Variants in WNT7A observed in about 807,000 individuals in gnomAD.
The protein encoded by WNT7A is Wnt family member 7A.
In WNT7A, 16 loss-of-function variants were observed where a neutral mutation model predicts 28.2. That is an observed-to-expected ratio of 0.57 (90% CI 0.38 to 0.86). The LOEUF is 0.86. Among genes scored for constraint, WNT7A ranks in the 40% least tolerant of loss-of-function variants. WNT7A has a pLI of 0.00. For synonymous variants in WNT7A, 190 were observed against 195.9 expected, an observed-to-expected ratio of 0.97 and a Z score of 0.25; for missense variants, 411 against 489.7, an observed-to-expected ratio of 0.84 and a Z score of 1.52.
chr3:13,849,362 A>T (rs4638942), intron 3 of WNT7A, among the ~76,000 whole-genome samples: 21,740 of 152,154 alleles, frequency 0.14, 2,311 homozygotes, highest in African/African-American at 0.3. Context: ...ATTTTTTAGT[A>T]TGTCTTGTGC....
intron 2 of WNT7A, among the ~76,000 whole-genome samples, chr3:13,862,348 G>C (rs1417721453): frequency 6.6e-6 from 1 of 152,222 alleles, no homozygotes; most frequent in South Asian, 2.1e-4. Flanking sequence ...CCACCGCCCT[G>C]TGTAGCCACT....
At chr3:13,847,881 A>G (rs1252715509) in intron 3 of WNT7A, among the ~76,000 whole-genome samples, 2 of 152,194 alleles carry the variant, frequency 1.3e-5, no homozygotes, top group Admixed American at 1.3e-4. Context: ...AGTTCTGGAG[A>G]TGGAAAGTGG....
rs1694013869 is a variant in WNT7A, at chr3:13,816,968, G to C, written c.*1976C>G. The C allele has an allele frequency of 6.6e-6, 1 of 152,210 alleles. No individual in the cohort carries two copies. Among genetic ancestry groups the C allele is most frequent in the East Asian group, 1.9e-4 (1 of 5,188 alleles). 9.4% of individuals were successfully genotyped at this position (152,210 alleles called of 1,614,324 possible). On this transcript the variant is annotated 3_prime_UTR_variant, in exon 4 of 4. Transcript: ENST00000285018. The stretch of plus-strand genomic sequence containing the variant: ...GAAAAATGGAAAAAAATGTCCAAGG[G>C]AAGAAACCATGCAACCATCCAGTCA...
chr3:13,824,222 A>G (rs946954271), intron 3 of WNT7A, among the ~76,000 whole-genome samples: 5 of 152,178 alleles, frequency 3.3e-5, no homozygotes, highest in African/African-American at 1.2e-4. Context: ...CCCACAAAAG[A>G]AACTCCATAC....
chr3:13,843,702 G>C (rs1454192978), intron 3 of WNT7A, among the ~76,000 whole-genome samples: 5 of 148,636 alleles, frequency 3.4e-5, no homozygotes, highest in Admixed American at 1.3e-4. Flanking sequence ...AAAAAAAAAA[G>C]GTCATGCAAA....
At chr3:13,819,569 C>A (rs1694079400) in intron 3 of WNT7A, 146 bp from the exon 4 acceptor site, 1 of 1,195,500 alleles carries the variant, frequency 8.4e-7, no homozygotes, top group Non-Finnish European at 1.1e-6. Context: ...GAAACTCAGA[C>A]CTGGATTCTA....
rs564423900 is a variant in WNT7A at position 13,845,680 on chromosome 3, C to T, written c.570+8852G>A. Among the ~76,000 whole-genome samples the T allele has an allele frequency of 3.9e-5, 6 of 152,326 alleles. No homozygotes were observed. In the South Asian group the frequency reaches 1.2e-3, roughly 32 times the overall value. ...CAGGGAGCACCTGCCTCTTGCCTGC[C>T]CCCTGTACACTCCTGGGAATGAGAA... On this transcript the variant is annotated intron_variant, in intron 3 of 3. Coordinates refer to ENST00000285018, the MANE Select transcript of WNT7A (RefSeq NM_004625.4).
At chr3:13,861,475 G>C (rs1193425076) in intron 2 of WNT7A, among the ~76,000 whole-genome samples, 1 of 152,270 alleles carries the variant, frequency 6.6e-6, no homozygotes, top group Non-Finnish European at 1.5e-5. Context: ...CTTCGTAGAA[G>C]GACAGGCAGT....
intron 3 of WNT7A, among the ~76,000 whole-genome samples, chr3:13,839,735 C>T (rs1559298491): frequency 6.6e-6 from 1 of 152,204 alleles, no homozygotes; most frequent in Non-Finnish European, 1.5e-5. Context: ...GAAAACTTGG[C>T]CAACAAGCAT....
At chr3:13,858,648 C>T (rs931250140) in intron 2 of WNT7A, among the ~76,000 whole-genome samples, 6 of 152,124 alleles carry the variant, frequency 3.9e-5, no homozygotes, top group African/African-American at 1.2e-4. Context: ...GCCTTCCCCT[C>T]CCCACCAAGC....
At position 13,819,159 on chromosome 3, in the gene WNT7A, C is replaced by T; in HGVS notation, c.835G>A (p.Glu279Lys). The T allele has an allele frequency of 1.2e-6, 2 of 1,614,216 alleles. No homozygotes were observed. Among genetic ancestry groups the T allele is most frequent in the South Asian group, 1.1e-5 (1 of 91,080 alleles). Residue 279 changes from glutamate to lysine, a missense_variant, in exon 4 of 4, where the codon GAG (glutamate) becomes AAG (lysine). By Grantham distance (56) the Glu-to-Lys change is moderately conservative. Transcript: ENST00000285018. ...VYIEKSPNYC[E>K]EDPVTGSVGT... ...ACACTGCCGGTCACCGGGTCCTCCTCGCAGTAGTTGGGCGACTTCTCGATG... is the reference window on the plus strand; with the variant it reads ...ACACTGCCGGTCACCGGGTCCTCCTTGCAGTAGTTGGGCGACTTCTCGATG...
At chr3:13,821,356 C>A (rs568839624) in intron 3 of WNT7A, among the ~76,000 whole-genome samples, 1 of 152,294 alleles carries the variant, frequency 6.6e-6, no homozygotes, top group Admixed American at 6.5e-5. Context: ...ATGTTAGAAA[C>A]CCGTTTTCCA....
chr3:13,863,049 G>A (rs1354550783), intron 2 of WNT7A, among the ~76,000 whole-genome samples: 1 of 152,194 alleles, frequency 6.6e-6, no homozygotes, highest in East Asian at 1.9e-4. Flanking sequence ...TTCCTCATTT[G>A]TAAAGTGGGA....
At chr3:13,846,702 A>G (rs1694542653) in intron 3 of WNT7A, among the ~76,000 whole-genome samples, 1 of 151,996 alleles carries the variant, frequency 6.6e-6, no homozygotes, top group South Asian at 2.1e-4. Flanking sequence ...CCTTTTCCCC[A>G]TATTCTTCCA....
intron 3 of WNT7A, among the ~76,000 whole-genome samples, chr3:13,853,642 G>A (rs13095340): frequency 0.028 from 4,240 of 152,316 alleles, 97 homozygotes; most frequent in East Asian, 0.098. Context: ...CAGTGTCTGT[G>A]TTGCCCACGG....
intron 3 of WNT7A, among the ~76,000 whole-genome samples, chr3:13,831,562 C>T (rs1413785419): frequency 6.6e-6 from 1 of 152,142 alleles, no homozygotes; most frequent in Non-Finnish European, 1.5e-5. Context: ...GGGATCTGTC[C>T]TTCAGGACCA....
At chr3:13,868,101 T>A (rs570372952) in intron 2 of WNT7A, among the ~76,000 whole-genome samples, 5 of 152,154 alleles carry the variant, frequency 3.3e-5, no homozygotes, top group African/African-American at 1.2e-4. Flanking sequence ...AGGGAAAGTG[T>A]AGCCAGGGAG....
intron 2 of WNT7A, among the ~76,000 whole-genome samples, chr3:13,856,972 A>AAGGAGAAGGAGAAGG (rs1559303401): frequency 2.5e-5 from 3 of 120,694 alleles, no homozygotes; most frequent in African/African-American, 1.1e-4. Context: ...GAAGAAGGAG[A>AAGGAGAAGGAGAAGG]AGAAGAAGAA....
chr3:13,879,071 C>T (rs962513256), intron 1 of WNT7A, among the ~76,000 whole-genome samples: 1 of 152,220 alleles, frequency 6.6e-6, no homozygotes, highest in Non-Finnish European at 1.5e-5. Flanking sequence ...CTCTGTGTCT[C>T]AGACCGCCTC....
Sources: allele counts gnomAD v4.1 joint callset (sites outside exome capture counted in the v4.1 genomes callset), GRCh38; gene constraint gnomAD v4.1.1; transcripts MANE v1.5; gene names NCBI Gene and HGNC (gene_info 2026-07-23, HGNC 2026-07-21).